Variants in PCDHA8 observed in about 807,000 individuals in gnomAD.
PCDHA8 encodes the protein protocadherin alpha 8.
In PCDHA8, 53 loss-of-function variants were observed where a neutral mutation model predicts 61.8. The ratio of observed to expected loss-of-function variants is 0.86; its 90% CI spans 0.69 to 1.08. PCDHA8 has a LOEUF of 1.08. PCDHA8 is among the 50% of genes least tolerant of loss of function. The probability of loss-of-function intolerance (pLI) is 0.00; values close to 1 mark genes in which losing one functional copy is unlikely to be tolerated. For missense variants in PCDHA8, 1,293 were observed against 1,245.0 expected, an observed-to-expected ratio of 1.04 and a Z score of -0.58; for synonymous variants, 618 against 556.6, an observed-to-expected ratio of 1.11 and a Z score of -1.55.
chr5:140,849,469 A>T, intron 1 of PCDHA8: 1 of 1,589,622 alleles, frequency 6.3e-7, no homozygotes. Context: ...GCTGTCGATA[A>T]AGGCTTCCCA....
intron 3 of PCDHA8, among the ~76,000 whole-genome samples, chr5:140,999,980 C>A (rs1386394350): frequency 6.6e-6 from 1 of 152,076 alleles, no homozygotes; most frequent in Non-Finnish European, 1.5e-5. Context: ...GCTCTAGCGG[C>A]CTCTGGGTAG....
chr5:140,884,692 G>A, intron 1 of PCDHA8: 7 of 1,528,834 alleles, frequency 4.6e-6, no homozygotes, highest in Non-Finnish European at 6.1e-6. Context: ...AATTGTCTTA[G>A]TAAACACTTT....
chr5:140,931,546 A>G (rs1416561002), intron 1 of PCDHA8, among the ~76,000 whole-genome samples: 1 of 152,048 alleles, frequency 6.6e-6, no homozygotes, highest in Non-Finnish European at 1.5e-5. Flanking sequence ...TACTGTTCAT[A>G]TGTGCAGGAA....
chr5:140,978,061 A>G (rs1307101965), intron 1 of PCDHA8, among the ~76,000 whole-genome samples: 1 of 152,202 alleles, frequency 6.6e-6, no homozygotes, highest in Non-Finnish European at 1.5e-5. Flanking sequence ...ATGATGTCCC[A>G]GTGATTTCTG....
chr5:140,877,028 C>T (rs367864661), intron 1 of PCDHA8: 1 of 1,612,352 alleles, frequency 6.2e-7, no homozygotes, highest in Non-Finnish European at 8.5e-7. Flanking sequence ...AAGGTGTACG[C>T]GCTGCAGCCG....
At chr5:140,987,211 C>T (rs1190567678) in intron 3 of PCDHA8, among the ~76,000 whole-genome samples, 2 of 145,072 alleles carry the variant, frequency 1.4e-5, no homozygotes, top group Non-Finnish European at 3.0e-5. Flanking sequence ...GAGACTCCAT[C>T]TCAAAAAAAA....
chr5:140,928,572 C>T, intron 1 of PCDHA8: 1 of 1,614,200 alleles, frequency 6.2e-7, no homozygotes, highest in Non-Finnish European at 8.5e-7. Flanking sequence ...TTCCCTTGCC[C>T]AGAAATGGTT....
chr5:140,853,619 G>A lies in PCDHA8; in HGVS notation c.2394+9904G>A. 2 of 988,316 alleles carry A rather than the reference G, an allele frequency of 2.0e-6. 1 individual carries two copies. Among genetic ancestry groups the A allele is most frequent in the Non-Finnish European group, 2.4e-6 (2 of 820,378 alleles). 61.2% of individuals were successfully genotyped at this position (988,316 alleles called of 1,614,324 possible). ...AGAGCAAAGGGGGTGCTGTAAATAA[G>A]TATACAAGATCACAGACCTAAATTG... On this transcript the variant is annotated intron_variant, in intron 1 of 3. Transcript: ENST00000531613.
chr5:140,876,596 C>T (rs1361945795), intron 1 of PCDHA8: 1 of 1,614,040 alleles, frequency 6.2e-7, no homozygotes, highest in East Asian at 2.2e-5. Flanking sequence ...ATTAGCGTGT[C>T]GGATCGTGAC....
At chr5:140,876,334 A>G (rs782377581) in intron 1 of PCDHA8, 3 of 1,613,912 alleles carry the variant, frequency 1.9e-6, no homozygotes, top group African/African-American at 1.3e-5. Flanking sequence ...TTTGCCAGTG[A>G]GTGAGAAATG....
At chr5:140,939,766 C>T (rs58911992) in intron 1 of PCDHA8, among the ~76,000 whole-genome samples, 27,055 of 152,058 alleles carry the variant, frequency 0.18, 2,673 homozygotes, top group African/African-American at 0.26. Context: ...TATAGTATTT[C>T]AGGGTGTGAA....
intron 1 of PCDHA8, among the ~76,000 whole-genome samples, chr5:140,893,709 G>A (rs141117049): frequency 6.6e-6 from 1 of 152,250 alleles, no homozygotes; most frequent in East Asian, 1.9e-4. Flanking sequence ...AGCCTGTAAA[G>A]CTTCTGCTGA....
At chr5:140,902,551 C>G (rs1022882687) in intron 1 of PCDHA8, among the ~76,000 whole-genome samples, 1 of 151,956 alleles carries the variant, frequency 6.6e-6, no homozygotes, top group African/African-American at 2.4e-5. Context: ...CTTCTATACC[C>G]AGATTTTTGA....
At chr5:141,007,299 T>C (rs550659664) in intron 3 of PCDHA8, among the ~76,000 whole-genome samples, 9 of 151,686 alleles carry the variant, frequency 5.9e-5, no homozygotes, top group African/African-American at 2.2e-4. Context: ...GCCTGTAATC[T>C]TAGCATTTTG....
intron 1 of PCDHA8, chr5:140,870,316 T>C (rs1178506832): frequency 1.2e-6 from 2 of 1,614,126 alleles, no homozygotes; most frequent in Admixed American, 3.3e-5. Context: ...GAATTACTAC[T>C]CGTTGGTGCT....
rs1778388313 is a variant in PCDHA8 at position 140,842,910 on chromosome 5, T to C, written c.1589T>C (p.Leu530Pro). Residue 530 changes from leucine to proline, a missense_variant, in exon 1 of 4, where the codon CTG becomes CCG. Physicochemically the swap from Leu to Pro is moderately conservative, Grantham distance 98. Coordinates refer to ENST00000531613, the MANE Select transcript of PCDHA8 (RefSeq NM_018911.3). ...CCGCTGGACCACGAGGAGCTAGAGC[T>C]GCTGCAGTTCCAGGTGAGCGCGCGC... ...LQPLDHEELELLQFQVSARDA... is the reference protein window; with the variant it reads ...LQPLDHEELEPLQFQVSARDA... The C allele has an allele frequency of 6.3e-7, 1 of 1,594,510 alleles. No homozygotes were observed. Among genetic ancestry groups the C allele is most frequent in the Non-Finnish European group, 8.6e-7 (1 of 1,165,448 alleles).
At chr5:140,850,426 G>A (rs2150483795) in intron 1 of PCDHA8, 1 of 1,597,836 alleles carries the variant, frequency 6.3e-7, no homozygotes, top group Non-Finnish European at 8.6e-7. Flanking sequence ...GACGCACCGC[G>A]CCAGCGCCTA....
At chr5:140,849,747 G>C (rs2150448012) in intron 1 of PCDHA8, 5 of 1,598,444 alleles carry the variant, frequency 3.1e-6, no homozygotes, top group Non-Finnish European at 4.3e-6. Context: ...CCGCGAGAGT[G>C]TGTCCGCCTA....
chr5:140,915,638 C>CTT (rs1183097723), intron 1 of PCDHA8, among the ~76,000 whole-genome samples: 1 of 151,724 alleles, frequency 6.6e-6, no homozygotes, highest in African/African-American at 2.4e-5. Context: ...CTCTCTCTCT[C>CTT]TCTCTCTCTC....
Sources: gnomAD v4.1 joint callset for allele counts (sites outside exome capture counted in the v4.1 genomes callset) on GRCh38, gnomAD v4.1.1 for gene constraint, MANE v1.5 for transcripts, NCBI Gene and HGNC (gene_info 2026-07-23, HGNC 2026-07-21) for gene names.